Variants in RNF38 observed in about 807,000 individuals in gnomAD.
The protein encoded by RNF38 is ring finger protein 38.
RNF38 carries 15 observed loss-of-function variants against 67.2 expected under a neutral mutation model. That is an observed-to-expected ratio of 0.22 (90% confidence interval 0.15 to 0.34). The LOEUF is 0.34. Among genes scored for constraint, RNF38 ranks in the 10% least tolerant of loss-of-function variants. RNF38 has a pLI of 1.00. For missense variants in RNF38, 524 were observed against 639.9 expected (o/e 0.82, Z 1.95); for synonymous variants, 220 against 218.8 (o/e 1.01, Z -0.05).
At chr9:36,418,681 G>T (rs558270750) in intron 2 of RNF38, among the ~76,000 whole-genome samples, 9 of 152,256 alleles carry the variant, frequency 5.9e-5, no homozygotes, top group Non-Finnish European at 8.8e-5. Context: ...AGCAACTCAG[G>T]AGGCTGAGGC....
chr9:36,431,662 C>T (rs1838937383), intron 1 of RNF38, among the ~76,000 whole-genome samples: 1 of 152,172 alleles, frequency 6.6e-6, no homozygotes, highest in Admixed American at 6.5e-5. Context: ...TTCACCAACC[C>T]AGAAGCTCTC....
At chr9:36,410,641 C>T (rs1455325288) in intron 2 of RNF38, among the ~76,000 whole-genome samples, 2 of 152,228 alleles carry the variant, frequency 1.3e-5, no homozygotes, top group Non-Finnish European at 2.9e-5. Context: ...CTGAGGCCTG[C>T]GGATAAGACA....
At chr9:36,426,230 T>C (rs995099466) in intron 1 of RNF38, among the ~76,000 whole-genome samples, 4 of 152,162 alleles carry the variant, frequency 2.6e-5, no homozygotes, top group Admixed American at 6.5e-5. Context: ...ATTTAAAGTA[T>C]ACAATTCAAT....
intron 1 of RNF38, among the ~76,000 whole-genome samples, chr9:36,396,615 A>ATCT (rs565712392): frequency 1.2e-4 from 18 of 152,110 alleles, no homozygotes; most frequent in Non-Finnish European, 2.9e-5. Context: ...CCAGGAGAGA[A>ATCT]CACTGCAAAC....
intron 1 of RNF38, among the ~76,000 whole-genome samples, chr9:36,397,211 G>A (rs1837604565): frequency 6.6e-6 from 1 of 151,574 alleles, no homozygotes; most frequent in Non-Finnish European, 1.5e-5. Flanking sequence ...CACCTCCTGG[G>A]TTCAAGCAAT....
intron 9 of RNF38, among the ~76,000 whole-genome samples, chr9:36,345,640 A>G (rs1833173307): frequency 1.3e-5 from 2 of 152,236 alleles, no homozygotes; most frequent in Admixed American, 1.3e-4. Context: ...CAATGACATC[A>G]TCACACCTAA....
intron 9 of RNF38, among the ~76,000 whole-genome samples, chr9:36,349,208 G>C (rs1347670177): frequency 3.3e-5 from 5 of 152,236 alleles, no homozygotes; most frequent in African/African-American, 1.2e-4. Flanking sequence ...ACAAAGAGAT[G>C]AATCTGGTTT....
At chr9:36,401,386 C>T (rs1204959861), upstream of RNF38, among the ~76,000 whole-genome samples, 2 of 149,886 alleles carry the variant, frequency 1.3e-5, no homozygotes, top group Non-Finnish European at 1.5e-5. Context: ...TGCTACTGTT[C>T]CGTGCCTCCT....
At chr9:36,420,531 C>CAAAAAAAAAAAAAAAAAAAAAAA (rs1447823341) in intron 2 of RNF38, among the ~76,000 whole-genome samples, 3 of 29,010 alleles carry the variant, frequency 1.0e-4, no homozygotes, top group Non-Finnish European at 2.2e-4. Flanking sequence ...GACTCTGTCT[C>CAAAAAAAAAAAAAAAAAAAAAAA]CAAAAAAAAA....
chr9:36,458,967 T>A (rs1282879724), intron 1 of RNF38, among the ~76,000 whole-genome samples: 1 of 152,060 alleles, frequency 6.6e-6, no homozygotes, highest in East Asian at 1.9e-4. Context: ...CCCAGCACTT[T>A]GGGAGGCCAG....
chr9:36,454,122 T>C (rs1839526963), intron 1 of RNF38, among the ~76,000 whole-genome samples: 1 of 151,840 alleles, frequency 6.6e-6, no homozygotes, highest in Non-Finnish European at 1.5e-5. Context: ...ATAAAATTCT[T>C]TCATACTTTT....
chr9:36,400,072 T>G, intron 1 of RNF38, 25 bp downstream of exon 1: 1 of 1,608,460 alleles, frequency 6.2e-7, no homozygotes, highest in Non-Finnish European at 8.5e-7. Flanking sequence ...ATATCATTTT[T>G]GCAACACAAA....
intron 1 of RNF38, among the ~76,000 whole-genome samples, chr9:36,469,518 A>C (rs1355284914): frequency 1.3e-5 from 2 of 151,202 alleles, no homozygotes; most frequent in Non-Finnish European, 3.0e-5. Flanking sequence ...AAAATTAGCC[A>C]GGCGTGGTGG....
At chr9:36,401,841 G>C (rs1232719233), upstream of RNF38, among the ~76,000 whole-genome samples, 1 of 152,164 alleles carries the variant, frequency 6.6e-6, no homozygotes, top group Non-Finnish European at 1.5e-5. Flanking sequence ...AAATTATTAA[G>C]GACCAGTCAA....
At chr9:36,487,654 G>A (rs1307553560), upstream of RNF38, 27 of 881,688 alleles carry the variant, frequency 3.1e-5, no homozygotes, top group Non-Finnish European at 3.7e-5. Flanking sequence ...GGCGGCGACG[G>A]AGGCGGCTCC....
intron 6 of RNF38, among the ~76,000 whole-genome samples, chr9:36,355,282 T>C (rs191792878): frequency 1.3e-5 from 2 of 152,342 alleles, no homozygotes; most frequent in African/African-American, 2.4e-5. Flanking sequence ...GCCACTTCTA[T>C]AGGTTATCTC....
intron 5 of RNF38, among the ~76,000 whole-genome samples, chr9:36,357,428 C>T (rs533914688): frequency 6.6e-6 from 1 of 152,270 alleles, no homozygotes; most frequent in East Asian, 1.9e-4. Flanking sequence ...GAGACTTAGG[C>T]TGACCTTCAT....
chr9:36,483,289 G>A (rs1206423242), intron 1 of RNF38, among the ~76,000 whole-genome samples: 4 of 152,112 alleles, frequency 2.6e-5, no homozygotes, highest in Non-Finnish European at 5.9e-5. Flanking sequence ...GAGAGGCTGA[G>A]GCAGGAGAAT....
intron 3 of RNF38, among the ~76,000 whole-genome samples, chr9:36,373,438 T>G (rs1161306036): frequency 6.6e-6 from 1 of 152,078 alleles, no homozygotes; most frequent in Non-Finnish European, 1.5e-5. Context: ...TTCCTAAGTA[T>G]TAAAAACTAT....
Sources: gnomAD v4.1 joint callset for allele counts (sites outside exome capture counted in the v4.1 genomes callset) on GRCh38, gnomAD v4.1.1 for gene constraint, MANE v1.5 for transcripts, NCBI Gene and HGNC (gene_info 2026-07-23, HGNC 2026-07-21) for gene names.